The following ZFYVE27 variants were observed in gnomAD, a reference collection of about 807,000 sequenced individuals.
ZFYVE27 encodes protrudin.
Under a neutral mutation model 52.8 loss-of-function variants are expected in ZFYVE27, and 36 were observed. The ratio of observed to expected loss-of-function variants is 0.68; its 90% CI spans 0.52 to 0.90. The LOEUF (loss-of-function observed/expected upper bound fraction) is 0.90. ZFYVE27 is among the 40% of genes least tolerant of loss of function. The pLI, the probability that ZFYVE27 is intolerant of heterozygous loss-of-function variation, is 0.00. For synonymous variants in ZFYVE27, 223 were observed against 215.6 expected, an observed-to-expected ratio of 1.03 and a Z score of -0.30; for missense variants, 450 against 527.2, an observed-to-expected ratio of 0.85 and a Z score of 1.43.
intron 6 of ZFYVE27, chr10:97,750,030 G>A: frequency 8.8e-6 from 4 of 454,066 alleles, no homozygotes; most frequent in South Asian, 8.3e-5. Flanking sequence ...GCCCGAGTCT[G>A]TACATATGTT....
chr10:97,757,009 T>C (rs1046050391), intron 10 of ZFYVE27, among the ~76,000 whole-genome samples: 3 of 152,144 alleles, frequency 2.0e-5, no homozygotes, highest in African/African-American at 7.2e-5. Context: ...AACCTGTAGG[T>C]AGGGCCACTC....
At chr10:97,749,048 TCTCA>T (rs1331235559) in intron 5 of ZFYVE27, among the ~76,000 whole-genome samples, 1 of 152,204 alleles carries the variant, frequency 6.6e-6, no homozygotes, top group African/African-American at 2.4e-5. Flanking sequence ...CTCTGTATTA[TCTCA>T]CTCTTATAGT....
chr10:97,738,578 C>T lies in ZFYVE27; in HGVS notation c.101C>T (p.Ala34Val), dbSNP rs1310375566. 1.9e-6 allele frequency: 3 copies of T among 1,614,216 alleles called. No homozygotes were observed. Among genetic ancestry groups the T allele is most frequent in the East Asian group, 2.2e-5 (1 of 44,880 alleles). The change falls in exon 2 of 13, where the codon GCG becomes GTG. Residue 34 changes from alanine (A) to valine (V), a missense_variant. Coordinates refer to ENST00000684270, the MANE Select transcript of ZFYVE27 (RefSeq NM_001385875.1). ...ESPPFPTKSP[A>V]FDLFNLVLSY... ...CCACCTTTTCCTACCAAGTCCCCAG[C>T]GTTTGACCTTTTCAACTTGGTTCTC...
intron 1 of ZFYVE27, among the ~76,000 whole-genome samples, chr10:97,737,570 C>T (rs1435245452): frequency 6.8e-6 from 1 of 147,474 alleles, no homozygotes; most frequent in East Asian, 1.9e-4. Context: ...TTCGCCTTGG[C>T]TCGGCCTGCG....
intron 1 of ZFYVE27, among the ~76,000 whole-genome samples, chr10:97,738,202 A>G (rs2042629792): frequency 6.6e-6 from 1 of 152,202 alleles, no homozygotes; most frequent in South Asian, 2.1e-4. Flanking sequence ...CCAGGTAAAG[A>G]GTGGGAGAAA....
intron 5 of ZFYVE27, among the ~76,000 whole-genome samples, chr10:97,748,879 A>G (rs2046187705): frequency 6.6e-6 from 1 of 152,132 alleles, no homozygotes. Context: ...ATTTTTATGG[A>G]TTTAGCTTTA....
At chr10:97,754,641 G>C in intron 10 of ZFYVE27, 2 of 1,284,664 alleles carry the variant, frequency 1.6e-6, no homozygotes, top group Middle Eastern at 2.1e-4. Flanking sequence ...GCTGCCTGCT[G>C]ACTTCTGCAG....
intron 10 of ZFYVE27, among the ~76,000 whole-genome samples, chr10:97,755,778 C>T (rs544843768): frequency 6.6e-6 from 1 of 152,280 alleles, no homozygotes; most frequent in South Asian, 2.1e-4. Flanking sequence ...GGGAGGGCCC[C>T]CCTTTGTCCT....
Position 97,744,928 on chromosome 10 carries a change from G to A in ZFYVE27, c.455+13G>A. 6.4e-7 allele frequency: 1 copy of A among 1,556,982 alleles called. No homozygotes were observed. Among genetic ancestry groups the A allele is most frequent in the Non-Finnish European group, 8.7e-7 (1 of 1,152,074 alleles). ...AGGTGAAGAGCTTGTGAGTATGGAA[G>A]AGAGGCCAGGGAGGTGGGGGAACAG... On this transcript the variant is annotated intron_variant, in intron 4 of 12. Transcript: ENST00000684270.
Position 97,759,384 on chromosome 10 carries a change from G to C in ZFYVE27, c.*84G>C. 1 of 1,462,422 alleles carries C rather than the reference G, an allele frequency of 6.8e-7. No homozygotes were observed. The highest frequency in any genetic ancestry group is 1.1e-5 in the South Asian group (1 of 87,292). 90.6% of individuals were successfully genotyped at this position (1,462,422 alleles called of 1,614,324 possible). On this transcript the variant is annotated 3_prime_UTR_variant, in exon 13 of 13. Coordinates refer to ENST00000684270, the MANE Select transcript of ZFYVE27 (RefSeq NM_001385875.1). ...CTCTCCCCACCCCTGGCCCACTGTG[G>C]TGTGTGCTGGGCAAATGTGGCCTGA...
chr10:97,759,801 C>T lies in ZFYVE27; in HGVS notation c.*501C>T, dbSNP rs985683577. 1 of 190,320 alleles carries T rather than the reference C, an allele frequency of 5.3e-6. No individual in the cohort carries two copies. The highest frequency in any genetic ancestry group is 2.3e-5 in the African/African-American group (1 of 43,774). 11.8% of individuals were successfully genotyped at this position (190,320 alleles called of 1,614,324 possible). A position where few individuals can be genotyped will look rare whatever the true frequency, so the allele number is the denominator to read the frequency against. ...ACCCCATCTCTGCTGATTGAATGTC[C>T]CTCCAGGCACCAGGATCTCATCATT... On this transcript the variant is annotated 3_prime_UTR_variant, in exon 13 of 13. Transcript: ENST00000684270.
At chr10:97,748,716 TATC>T (rs889448817) in intron 5 of ZFYVE27, among the ~76,000 whole-genome samples, 34 of 152,342 alleles carry the variant, frequency 2.2e-4, no homozygotes, top group African/African-American at 7.2e-4. Context: ...GTTTTCCACT[TATC>T]ATTATATTAA....
At chr10:97,740,692 T>A (rs1589993698) in intron 2 of ZFYVE27, among the ~76,000 whole-genome samples, 2 of 152,348 alleles carry the variant, frequency 1.3e-5, no homozygotes, top group East Asian at 3.9e-4. Flanking sequence ...GCCTGCAGTT[T>A]CTGTGCTGCT....
intron 4 of ZFYVE27, among the ~76,000 whole-genome samples, chr10:97,745,718 T>TTAGTCTAG (rs1488554719): frequency 6.6e-6 from 1 of 152,216 alleles, no homozygotes; most frequent in Non-Finnish European, 1.5e-5. Context: ...TGAGTAGATA[T>TTAGTCTAG]TAGTTATCAT....
intron 5 of ZFYVE27, 71 bp downstream of exon 5, chr10:97,748,435 C>A: frequency 6.7e-7 from 1 of 1,495,418 alleles, no homozygotes; most frequent in Non-Finnish European, 9.2e-7. Context: ...AAGCCAGCTG[C>A]CTTGAGAGGA....
intron 11 of ZFYVE27, 92 bp from the exon 12 acceptor site, chr10:97,757,550 G>C: frequency 6.9e-7 from 1 of 1,441,398 alleles, no homozygotes; most frequent in Admixed American, 1.7e-5. Context: ...CAGTTTCCTT[G>C]GGTGGGATCA....
chr10:97,746,712 C>T lies in ZFYVE27; in HGVS notation c.456-1557C>T, dbSNP rs113822163. Among the ~76,000 whole-genome samples the T allele has an allele frequency of 4.9e-3, 723 of 147,314 alleles. 17 individuals carry two copies. The highest frequency in any genetic ancestry group is 0.017 in the African/African-American group (682 of 39,776). On this transcript the variant is annotated intron_variant, in intron 4 of 12. Transcript: ENST00000684270. ...CTTTTTTTTTTTTTACTTTTTGAGA[C>T]GGAGTTTTGCTCTGTCATCCAGGCT...
chr10:97,737,467 C>G (rs4917783), intron 1 of ZFYVE27, 146 bp downstream of exon 1: 79,342 of 152,574 alleles, frequency 0.52, 21,956 homozygotes, highest in Middle Eastern at 0.62. Context: ...TCCATCAGGC[C>G]CCCCTGGCTG....
rs139998883 is a variant in ZFYVE27 at position 97,753,093 on chromosome 10, A to G, written c.953A>G (p.Asn318Ser). 44 of 1,611,612 alleles carry G rather than the reference A, an allele frequency of 2.7e-5. No individual in the cohort carries two copies. Among genetic ancestry groups the G allele is most frequent in the South Asian group, 6.6e-5 (6 of 90,470 alleles). Residue 318 changes from asparagine to serine, a missense_variant, in exon 10 of 13, where the codon AAC becomes AGC. Asn to Ser is a conservative substitution (Grantham distance 46). Transcript: ENST00000684270. ...PAEDELALQD[N>S]GFLSKNEVLR... Reference sequence around the variant, plus strand: ...GAGGATGAGCTGGCCCTGCAGGACAACGGGTTCCTGAGCAAGAATGAGGTG... The same window carrying G: ...GAGGATGAGCTGGCCCTGCAGGACAGCGGGTTCCTGAGCAAGAATGAGGTG...
Sources: allele counts gnomAD v4.1 joint callset (sites outside exome capture counted in the v4.1 genomes callset), GRCh38; gene constraint gnomAD v4.1.1; transcripts MANE v1.5; gene names NCBI Gene and HGNC (gene_info 2026-07-23, HGNC 2026-07-21).